The following C1orf185 variants were observed in gnomAD, a reference collection of about 807,000 sequenced individuals.
C1orf185 encodes chromosome 1 open reading frame 185.
Under a neutral mutation model 16.1 loss-of-function variants are expected in C1orf185, and 13 were observed. The ratio of observed to expected loss-of-function variants is 0.81; its 90% CI spans 0.53 to 1.28. C1orf185 has a LOEUF of 1.28. C1orf185 is among the 50% of genes most tolerant of loss of function. The pLI is 0.00. For synonymous variants in C1orf185, 80 were observed against 76.9 expected (o/e 1.04, Z -0.21); for missense variants, 220 against 225.2 (o/e 0.98, Z 0.15).
At chr1:51,125,263 C>T (rs1646232083) in intron 3 of C1orf185, among the ~76,000 whole-genome samples, 1 of 152,158 alleles carries the variant, frequency 6.6e-6, no homozygotes, top group East Asian at 1.9e-4. Flanking sequence ...TCTATTTATG[C>T]ATTTGTGAAA....
At chr1:51,133,352 T>C (rs1646299317) in intron 3 of C1orf185, among the ~76,000 whole-genome samples, 1 of 152,014 alleles carries the variant, frequency 6.6e-6, no homozygotes, top group Non-Finnish European at 1.5e-5. Context: ...AATAAAGGAA[T>C]GATGAAAAAT....
At chr1:51,117,823 T>C (rs957013449) in intron 2 of C1orf185, among the ~76,000 whole-genome samples, 3 of 152,236 alleles carry the variant, frequency 2.0e-5, no homozygotes, top group Non-Finnish European at 4.4e-5. Context: ...TGCTGCTTTC[T>C]TTTCTTTAAC....
At chr1:51,130,351 C>T (rs1357990676) in intron 3 of C1orf185, among the ~76,000 whole-genome samples, 3 of 143,424 alleles carry the variant, frequency 2.1e-5, no homozygotes, top group African/African-American at 7.6e-5. Context: ...TTCTTTCTTT[C>T]TTTTTTTTTT....
intron 3 of C1orf185, among the ~76,000 whole-genome samples, chr1:51,129,404 T>C (rs141626553): frequency 1.5e-3 from 229 of 152,226 alleles, no homozygotes; most frequent in African/African-American, 5.0e-3. Context: ...TTCCAGAATG[T>C]TATATAAATG....
At chr1:51,135,743 G>A (rs1354027876) in intron 3 of C1orf185, among the ~76,000 whole-genome samples, 2 of 152,106 alleles carry the variant, frequency 1.3e-5, no homozygotes, top group African/African-American at 4.8e-5. Context: ...TTGAAAACAG[G>A]CACAAGACGA....
intron 3 of C1orf185, among the ~76,000 whole-genome samples, chr1:51,120,400 G>A (rs1455213259): frequency 4.1e-4 from 63 of 152,146 alleles, no homozygotes; most frequent in Admixed American, 4.1e-3. Context: ...TTCCTCATCT[G>A]CAAAATAAGG....
At chr1:51,129,440 A>T (rs4440897) in intron 3 of C1orf185, among the ~76,000 whole-genome samples, 2,054 of 152,056 alleles carry the variant, frequency 0.014, 52 homozygotes, top group African/African-American at 0.046. Flanking sequence ...TGGTCTTTTG[A>T]CATTGGCTTT....
intron 3 of C1orf185, 142 bp downstream of exon 3, chr1:51,118,943 T>C (rs1646178161): frequency 1.7e-5 from 11 of 634,512 alleles, no homozygotes; most frequent in Non-Finnish European, 2.6e-5. Context: ...GAGTTTATAC[T>C]ATAGGAAAAC....
chr1:51,143,808 A>G (rs1393524008), intron 3 of C1orf185, among the ~76,000 whole-genome samples: 1 of 152,184 alleles, frequency 6.6e-6, no homozygotes, highest in Non-Finnish European at 1.5e-5. Flanking sequence ...CTCTACAGGC[A>G]TGCGCCATCA....
intron 3 of C1orf185, among the ~76,000 whole-genome samples, chr1:51,140,587 T>C (rs1470331324): frequency 6.6e-6 from 1 of 152,224 alleles, no homozygotes; most frequent in Admixed American, 6.5e-5. Context: ...ACATGGTTGG[T>C]ATAATTCAGT....
intron 3 of C1orf185, among the ~76,000 whole-genome samples, chr1:51,133,145 C>T (rs920345618): frequency 2.6e-5 from 4 of 152,118 alleles, no homozygotes; most frequent in South Asian, 2.1e-4. Context: ...AAAGCAACCA[C>T]GTAAGCAAGT....
chr1:51,108,732 G>T (rs1646091753), intron 1 of C1orf185, among the ~76,000 whole-genome samples: 1 of 152,036 alleles, frequency 6.6e-6, no homozygotes, highest in Non-Finnish European at 1.5e-5. Flanking sequence ...TCCCATCCAT[G>T]TTGCTGCAAA....
At chr1:51,126,397 G>A (rs1646240773) in intron 3 of C1orf185, among the ~76,000 whole-genome samples, 1 of 151,836 alleles carries the variant, frequency 6.6e-6, no homozygotes, top group Admixed American at 6.6e-5. Flanking sequence ...CTGAGTAGCT[G>A]GAACTACAGG....
Position 51,147,996 on chromosome 1 carries a change from G to A in C1orf185, c.*225G>A, listed in dbSNP as rs939217987. On this transcript the variant is annotated 3_prime_UTR_variant, in exon 5 of 5. Coordinates refer to ENST00000371759, the MANE Select transcript of C1orf185 (RefSeq NM_001136508.2). The stretch of plus-strand genomic sequence containing the variant: ...GTTCTTATTTCTAGAAACAAAATTA[G>A]GAAGAACTAGAGTGATGTCATGAAC... 4 of 419,952 alleles carry A rather than the reference G, an allele frequency of 9.5e-6. No homozygotes were observed. Among genetic ancestry groups the A allele is most frequent in the Admixed American group, 4.0e-5 (1 of 24,834 alleles). The allele number at this position is 419,952 out of a possible 1,614,324, so 26.0% of individuals were successfully genotyped here.
At chr1:51,116,800 T>C (rs1646161131) in intron 2 of C1orf185, among the ~76,000 whole-genome samples, 1 of 150,488 alleles carries the variant, frequency 6.6e-6, no homozygotes, top group South Asian at 2.1e-4. Flanking sequence ...TAGGTCTTTG[T>C]ATATGATATT....
chr1:51,103,840 GTT>G (rs1646051168), intron 1 of C1orf185, among the ~76,000 whole-genome samples: 1 of 152,074 alleles, frequency 6.6e-6, no homozygotes, highest in African/African-American at 2.4e-5. Flanking sequence ...CAGCCATTAT[GTT>G]ATTAATTTCT....
intron 1 of C1orf185, among the ~76,000 whole-genome samples, chr1:51,111,015 T>C (rs1173327476): frequency 6.6e-6 from 1 of 152,010 alleles, no homozygotes; most frequent in Non-Finnish European, 1.5e-5. Context: ...AACAGAAAGC[T>C]TTCTTTCCTT....
downstream of C1orf185, among the ~76,000 whole-genome samples, chr1:51,150,740 T>C (rs973513284): frequency 5.3e-5 from 8 of 152,230 alleles, no homozygotes; most frequent in African/African-American, 1.9e-4. Flanking sequence ...AGGCAGTTTA[T>C]TGTTCATAGC....
chr1:51,141,742 A>C (rs996793122), intron 3 of C1orf185, among the ~76,000 whole-genome samples: 4 of 152,224 alleles, frequency 2.6e-5, no homozygotes, highest in Admixed American at 2.0e-4. Context: ...TTCAGTGTAC[A>C]TACTAAGAAT....
Sources: allele counts gnomAD v4.1 joint callset (sites outside exome capture counted in the v4.1 genomes callset), GRCh38; gene constraint gnomAD v4.1.1; transcripts MANE v1.5; gene names NCBI Gene and HGNC (gene_info 2026-07-23, HGNC 2026-07-21).